Variants in ZSWIM5 observed in about 807,000 individuals in gnomAD.
ZSWIM5 encodes the protein zinc finger SWIM domain-containing protein 5.
ZSWIM5 carries 55 observed loss-of-function variants against 119.6 expected under a neutral mutation model. The observed-to-expected ratio is 0.46, with a 90% CI of 0.37 to 0.58. The LOEUF (loss-of-function observed/expected upper bound fraction) is 0.58, where lower values mean the gene tolerates loss of function less well. ZSWIM5 is among the 20% of genes least tolerant of loss of function. The probability of loss-of-function intolerance (pLI) is 0.00; values close to 1 mark genes in which losing one functional copy is unlikely to be tolerated. For missense variants in ZSWIM5, 1,193 were observed against 1,512.8 expected (o/e 0.79, Z 3.51); for synonymous variants, 537 against 606.9 (o/e 0.88, Z 1.69).
At chr1:45,146,440 T>TC (rs1645760880) in intron 1 of ZSWIM5, among the ~76,000 whole-genome samples, 1 of 130,830 alleles carries the variant, frequency 7.6e-6, no homozygotes, top group South Asian at 2.7e-4. Context: ...ACTTTTTTTT[T>TC]TTTTTTTTTT....
chr1:45,038,005 G>C (rs1318115671), intron 8 of ZSWIM5, among the ~76,000 whole-genome samples: 1 of 152,216 alleles, frequency 6.6e-6, no homozygotes, highest in Non-Finnish European at 1.5e-5. Flanking sequence ...CTGTTTTCAA[G>C]TAGCTGACAG....
rs1645011844 is a variant in ZSWIM5, at chr1:45,040,378, C to T, written c.1756+14G>A. On this transcript the variant is annotated intron_variant, in intron 7 of 13. Transcript: ENST00000359600. ...TTGGGCCTAAGGGGGTTAGATGGCT[C>T]CTAATTACTATACCTTTCTTCTGAT... is the stretch of plus-strand genomic sequence containing the variant. The T allele has an allele frequency of 6.3e-7, 1 of 1,595,428 alleles. No homozygotes were observed. The highest frequency in any genetic ancestry group is 1.7e-5 in the Admixed American group (1 of 57,988).
chr1:45,122,412 A>T (rs1407041834), intron 1 of ZSWIM5, among the ~76,000 whole-genome samples: 1 of 152,246 alleles, frequency 6.6e-6, no homozygotes, highest in East Asian at 1.9e-4. Flanking sequence ...AAACTTATAT[A>T]ACAGCCATTA....
intron 1 of ZSWIM5, among the ~76,000 whole-genome samples, chr1:45,177,499 T>A (rs988595154): frequency 6.6e-6 from 1 of 152,108 alleles, no homozygotes; most frequent in Non-Finnish European, 1.5e-5. Flanking sequence ...TGGTGAAAGT[T>A]ACAGAGGGGT....
chr1:45,088,445 G>T lies in ZSWIM5; in HGVS notation c.596-208C>A, dbSNP rs946119788. Among the ~76,000 whole-genome samples the T allele has an allele frequency of 6.6e-6, 1 of 152,142 alleles. No homozygotes were observed. The highest frequency in any genetic ancestry group is 1.5e-5 in the Non-Finnish European group (1 of 68,026). ...CAATATAGAAAGAGTCCTCACCCTG[G>T]AGTTCGTGAACCTCCTGAACTCACA... On this transcript the variant is annotated intron_variant, in intron 1 of 13. Transcript: ENST00000359600. This position sits in a 1 kb window ranked among gnomAD's most constrained non-coding sequence, Gnocchi z 4.2.
intron 5 of ZSWIM5, among the ~76,000 whole-genome samples, chr1:45,046,800 C>T (rs1334042911): frequency 1.3e-5 from 2 of 151,520 alleles, no homozygotes; most frequent in East Asian, 1.9e-4. Flanking sequence ...CAGAGGTGAG[C>T]GGATCAGAAG....
chr1:45,200,634 GTCA>G (rs1235261737), intron 1 of ZSWIM5, among the ~76,000 whole-genome samples: 1 of 151,974 alleles, frequency 6.6e-6, no homozygotes, highest in Non-Finnish European at 1.5e-5. Context: ...ATATCACACA[GTCA>G]TCATTTTTTA....
chr1:45,176,871 C>T (rs1336151984), intron 1 of ZSWIM5, among the ~76,000 whole-genome samples: 1 of 151,994 alleles, frequency 6.6e-6, no homozygotes, highest in Non-Finnish European at 1.5e-5. Context: ...CAAATTATAT[C>T]CCCCTTCATG....
intron 1 of ZSWIM5, among the ~76,000 whole-genome samples, chr1:45,152,248 A>G (rs960806144): frequency 1.3e-5 from 2 of 152,210 alleles, no homozygotes; most frequent in Non-Finnish European, 2.9e-5. Context: ...ACCAAAAAAA[A>G]AGTGAAGAAC....
chr1:45,096,108 A>G (rs1324718694), intron 1 of ZSWIM5, among the ~76,000 whole-genome samples: 1 of 152,222 alleles, frequency 6.6e-6, no homozygotes, highest in African/African-American at 2.4e-5. Flanking sequence ...AAGTTATTCT[A>G]CTTATCAAAT....
chr1:45,040,731 T>C (rs1645013830), intron 6 of ZSWIM5, among the ~76,000 whole-genome samples, 193 bp from the exon 7 acceptor site: 1 of 152,228 alleles, frequency 6.6e-6, no homozygotes, highest in African/African-American at 2.4e-5. Context: ...TTGAAAGAGC[T>C]ACCTTGCAGC....
chr1:45,058,430 G>A (rs1477025133), intron 4 of ZSWIM5, among the ~76,000 whole-genome samples, 179 bp downstream of exon 4: 1 of 152,202 alleles, frequency 6.6e-6, no homozygotes, highest in Non-Finnish European at 1.5e-5. Context: ...AAAGCACAAT[G>A]CTGTGGAAGC....
intron 1 of ZSWIM5, among the ~76,000 whole-genome samples, chr1:45,119,953 C>T (rs1450847804): frequency 8.5e-5 from 13 of 152,168 alleles, no homozygotes; most frequent in Admixed American, 8.5e-4. Context: ...TTTGCACAAC[C>T]ATCCTTTCAT....
At chr1:45,070,321 C>T in intron 2 of ZSWIM5, 3 of 1,420,092 alleles carry the variant, frequency 2.1e-6, no homozygotes, top group Middle Eastern at 1.8e-4. Flanking sequence ...GACGCCACCA[C>T]CAGAGCATAC....
At chr1:45,180,459 T>C (rs1443302527) in intron 1 of ZSWIM5, among the ~76,000 whole-genome samples, 1 of 152,068 alleles carries the variant, frequency 6.6e-6, no homozygotes, top group Non-Finnish European at 1.5e-5. Context: ...CCACCACAGC[T>C]CAAGGAGGCC....
intron 2 of ZSWIM5, among the ~76,000 whole-genome samples, chr1:45,068,857 G>A (rs1243355759): frequency 1.5e-5 from 2 of 130,168 alleles, no homozygotes; most frequent in Non-Finnish European, 3.1e-5. Flanking sequence ...CTGGAGTGCA[G>A]TGGTGCCATT....
At chr1:45,204,910 T>C (rs1441154194) in intron 1 of ZSWIM5, among the ~76,000 whole-genome samples, 1 of 152,154 alleles carries the variant, frequency 6.6e-6, no homozygotes, top group Non-Finnish European at 1.5e-5. Flanking sequence ...AGAAGCACTG[T>C]ATTTATATAT....
chr1:45,203,998 C>T (rs1454524953), intron 1 of ZSWIM5, among the ~76,000 whole-genome samples: 1 of 152,052 alleles, frequency 6.6e-6, no homozygotes, highest in Admixed American at 6.5e-5. Flanking sequence ...CATAAGAGAG[C>T]CTATAACTCC....
rs1376547411 is a variant in ZSWIM5, at chr1:45,019,948, T to C, written c.2695+118A>G. 1.1e-6 allele frequency: 1 copy of C among 878,106 alleles called. No homozygotes were observed. Among genetic ancestry groups the C allele is most frequent in the Non-Finnish European group, 1.8e-6 (1 of 560,430 alleles). The allele number at this position is 878,106 out of a possible 1,614,324, so 54.4% of individuals were successfully genotyped here. On this transcript the variant is annotated intron_variant, in intron 13 of 13. Coordinates refer to ENST00000359600, the MANE Select transcript of ZSWIM5 (RefSeq NM_020883.2). The surrounding 1 kb of genome is among the most constrained non-coding windows in gnomAD (Gnocchi z 5.0). ...CAGCCCCATCCTTTCTTAGGCCATCTCCTGATGGACCTAAGATCTCATAGG... is the reference window on the plus strand; with the variant it reads ...CAGCCCCATCCTTTCTTAGGCCATCCCCTGATGGACCTAAGATCTCATAGG...
Sources: allele counts gnomAD v4.1 joint callset (sites outside exome capture counted in the v4.1 genomes callset), GRCh38; gene constraint gnomAD v4.1.1; non-coding constraint Gnocchi (gnomAD v3.1); transcripts MANE v1.5; gene names NCBI Gene and HGNC (gene_info 2026-07-23, HGNC 2026-07-21).